The following DLG2 variants were observed in gnomAD, a reference collection of about 807,000 sequenced individuals.
The protein encoded by DLG2 is discs large MAGUK scaffold protein 2, also known as disks large homolog 2.
DLG2 carries 45 observed loss-of-function variants against 132.5 expected under a neutral mutation model. The ratio of observed to expected loss-of-function variants is 0.34; its 90% CI spans 0.27 to 0.44. DLG2 has a LOEUF of 0.44. Among genes scored for constraint, DLG2 ranks in the 20% least tolerant of loss-of-function variants. The pLI is 1.00. For missense variants in DLG2, 1,045 were observed against 1,196.9 expected, an observed-to-expected ratio of 0.87 and a Z score of 1.87; for synonymous variants, 424 against 419.6, an observed-to-expected ratio of 1.01 and a Z score of -0.13.
chr11:85,299,528 T>A (rs1036656935), intron 3 of DLG2, among the ~76,000 whole-genome samples: 8 of 152,194 alleles, frequency 5.3e-5, no homozygotes, highest in Non-Finnish European at 1.2e-4. Flanking sequence ...TTATTGCCTT[T>A]GCACTTTGCA....
chr11:83,708,166 TAA>T (rs1277835346), intron 18 of DLG2, among the ~76,000 whole-genome samples: 1 of 152,224 alleles, frequency 6.6e-6, no homozygotes, highest in African/African-American at 2.4e-5. Flanking sequence ...ATTCTGTGTT[TAA>T]GTTATATTTG....
intron 3 of DLG2, among the ~76,000 whole-genome samples, chr11:85,587,465 T>C (rs2079043497): frequency 6.6e-6 from 1 of 152,202 alleles, no homozygotes; most frequent in African/African-American, 2.4e-5. Context: ...TCCCTTTGTC[T>C]TTTTCAACTG....
chr11:83,719,723 T>C (rs2087814525), intron 18 of DLG2, among the ~76,000 whole-genome samples: 1 of 152,028 alleles, frequency 6.6e-6, no homozygotes, highest in Non-Finnish European at 1.5e-5. Context: ...CCTCTAACAG[T>C]GGGAGAAAAT....
At chr11:84,503,006 T>A (rs1292362023) in intron 7 of DLG2, among the ~76,000 whole-genome samples, 1 of 152,290 alleles carries the variant, frequency 6.6e-6, no homozygotes, top group East Asian at 1.9e-4. Flanking sequence ...AAAAACTGAC[T>A]ATGCTAAGTG....
chr11:84,705,516 C>T (rs1001459276), intron 6 of DLG2, among the ~76,000 whole-genome samples: 3 of 151,734 alleles, frequency 2.0e-5, no homozygotes, highest in Non-Finnish European at 2.9e-5. Context: ...CAAATCCTTT[C>T]CAGCTGGTAT....
intron 10 of DLG2, among the ~76,000 whole-genome samples, chr11:84,060,890 C>A (rs1209759120): frequency 6.6e-6 from 1 of 152,130 alleles, no homozygotes; most frequent in East Asian, 1.9e-4. Context: ...TTCATTGCTA[C>A]CACCCTGGTT....
chr11:84,119,247 A>C (rs2093786426), intron 9 of DLG2, among the ~76,000 whole-genome samples: 1 of 152,088 alleles, frequency 6.6e-6, no homozygotes. Context: ...TTTAGAGATA[A>C]AACCTTATTA....
intron 6 of DLG2, among the ~76,000 whole-genome samples, chr11:84,813,579 C>T (rs2076797886): frequency 6.6e-6 from 1 of 152,050 alleles, no homozygotes; most frequent in African/African-American, 2.4e-5. Context: ...TGGTGTGGGA[C>T]TCAAAGATAT....
intron 17 of DLG2, among the ~76,000 whole-genome samples, chr11:83,829,428 C>G (rs2053841885): frequency 1.3e-5 from 2 of 152,082 alleles, no homozygotes; most frequent in South Asian, 4.1e-4. Context: ...AACTCCTGAC[C>G]TCAGGTGATC....
chr11:85,417,614 A>T (rs929542842), intron 3 of DLG2, among the ~76,000 whole-genome samples: 1 of 152,096 alleles, frequency 6.6e-6, no homozygotes, highest in African/African-American at 2.4e-5. Flanking sequence ...TACTGCTTCA[A>T]TTTCAGAGCT....
chr11:84,748,481 G>T (rs1301110924), intron 6 of DLG2, among the ~76,000 whole-genome samples: 1 of 151,982 alleles, frequency 6.6e-6, no homozygotes, highest in African/African-American at 2.4e-5. Context: ...TTGAGATATG[G>T]GCATGTATTT....
At chr11:84,716,157 C>T (rs2061199136) in intron 6 of DLG2, among the ~76,000 whole-genome samples, 1 of 151,936 alleles carries the variant, frequency 6.6e-6, no homozygotes, top group Non-Finnish European at 1.5e-5. Flanking sequence ...TTTCCTGATA[C>T]TTAACGATGT....
chr11:84,933,876 T>C (rs949756573), intron 6 of DLG2, among the ~76,000 whole-genome samples: 3 of 152,338 alleles, frequency 2.0e-5, no homozygotes, highest in South Asian at 4.1e-4. Context: ...CTCATTGCCC[T>C]GGCAAGGACT....
chr11:85,358,327 A>C (rs1404574709), intron 3 of DLG2, among the ~76,000 whole-genome samples: 1 of 152,190 alleles, frequency 6.6e-6, no homozygotes, highest in Non-Finnish European at 1.5e-5. Context: ...TCTTTCTACC[A>C]GGTTTCCCAT....
At chr11:85,050,909 A>G (rs1182069757) in intron 6 of DLG2, among the ~76,000 whole-genome samples, 1 of 152,060 alleles carries the variant, frequency 6.6e-6, no homozygotes, top group Non-Finnish European at 1.5e-5. Flanking sequence ...TGTAAGGCTT[A>G]ATAGATTTCC....
intron 7 of DLG2, among the ~76,000 whole-genome samples, chr11:84,325,709 G>A (rs2098427074): frequency 6.6e-6 from 1 of 152,088 alleles, no homozygotes; most frequent in Non-Finnish European, 1.5e-5. Flanking sequence ...GTGTGCAGTA[G>A]TATTTCTGTG....
chr11:85,323,853 T>C (rs917146415), intron 3 of DLG2, among the ~76,000 whole-genome samples: 1 of 152,362 alleles, frequency 6.6e-6, no homozygotes, highest in East Asian at 1.9e-4. Flanking sequence ...TATCGCTGAA[T>C]AATATTCCAC....
At chr11:84,968,903 TA>T (rs1464300407) in intron 6 of DLG2, among the ~76,000 whole-genome samples, 2 of 152,134 alleles carry the variant, frequency 1.3e-5, no homozygotes, top group Admixed American at 6.5e-5. Flanking sequence ...TTAACATTTT[TA>T]AAAACACGTT....
chr11:83,780,741 C>T (rs897484416), intron 18 of DLG2, among the ~76,000 whole-genome samples: 1 of 152,134 alleles, frequency 6.6e-6, no homozygotes, highest in Non-Finnish European at 1.5e-5. Flanking sequence ...AGCTGAATGG[C>T]ACATGAACTT....
Sources: allele counts gnomAD v4.1 joint callset (sites outside exome capture counted in the v4.1 genomes callset), GRCh38; gene constraint gnomAD v4.1.1; transcripts MANE v1.5; gene names NCBI Gene and HGNC (gene_info 2026-07-23, HGNC 2026-07-21).